DENND1A: variants seen among roughly 807,000 people sequenced by gnomAD.
DENND1A encodes the protein DENN domain-containing protein 1A.
In DENND1A, 51 loss-of-function variants were observed where a neutral mutation model predicts 113.7. The ratio of observed to expected loss-of-function variants is 0.45; its 90% CI spans 0.36 to 0.57. DENND1A has a LOEUF of 0.57. DENND1A is among the 20% of genes least tolerant of loss of function. The pLI is 0.00. For synonymous variants in DENND1A, 565 were observed against 570.8 expected, an observed-to-expected ratio of 0.99 and a Z score of 0.14; for missense variants, 1,258 against 1,395.9, an observed-to-expected ratio of 0.90 and a Z score of 1.57.
At chr9:123,728,617 G>A (rs996048782) in intron 5 of DENND1A, among the ~76,000 whole-genome samples, 1 of 150,562 alleles carries the variant, frequency 6.6e-6, no homozygotes, top group African/African-American at 2.4e-5. Flanking sequence ...AACTAGAAGA[G>A]CAAAATTTAT....
intron 11 of DENND1A, among the ~76,000 whole-genome samples, chr9:123,599,686 C>A (rs971331750): frequency 1.6e-4 from 24 of 152,150 alleles, no homozygotes; most frequent in African/African-American, 5.8e-4. Flanking sequence ...GCTCAAAAAG[C>A]CCATGGTCCA....
intron 5 of DENND1A, among the ~76,000 whole-genome samples, chr9:123,744,333 C>T (rs777750894): frequency 9.9e-5 from 15 of 152,244 alleles, no homozygotes; most frequent in Non-Finnish European, 1.9e-4. Flanking sequence ...AAATAATCAC[C>T]AAAACCAATT....
chr9:123,406,411 A>G (rs538008118), intron 20 of DENND1A, among the ~76,000 whole-genome samples: 2 of 152,340 alleles, frequency 1.3e-5, no homozygotes, highest in African/African-American at 2.4e-5. Flanking sequence ...TGTGACCTGG[A>G]TGTCCCTTCT....
intron 11 of DENND1A, among the ~76,000 whole-genome samples, chr9:123,602,044 G>A (rs150717155): frequency 2.2e-4 from 33 of 152,322 alleles, no homozygotes; most frequent in African/African-American, 7.7e-4. Context: ...CAGAGGCTCT[G>A]ATAAACCCCT....
At chr9:123,691,407 G>A (rs546050161) in intron 5 of DENND1A, among the ~76,000 whole-genome samples, 337 of 152,268 alleles carry the variant, frequency 2.2e-3, no homozygotes, top group South Asian at 0.015. Context: ...TGAGGAAGGC[G>A]AACTGGATGA....
chr9:123,749,719 A>G (rs1277119350), intron 5 of DENND1A, among the ~76,000 whole-genome samples: 1 of 152,138 alleles, frequency 6.6e-6, no homozygotes, highest in African/African-American at 2.4e-5. Flanking sequence ...AGCAGTCACT[A>G]GAGGTAGCAA....
At chr9:123,495,603 C>A (rs554341093) in intron 13 of DENND1A, among the ~76,000 whole-genome samples, 4 of 152,180 alleles carry the variant, frequency 2.6e-5, no homozygotes, top group Non-Finnish European at 4.4e-5. Flanking sequence ...GAGAACCCAC[C>A]GATCAATATG....
intron 3 of DENND1A, among the ~76,000 whole-genome samples, chr9:123,788,097 A>G (rs1832463471): frequency 6.6e-6 from 1 of 152,130 alleles, no homozygotes; most frequent in South Asian, 2.1e-4. Flanking sequence ...CTTTTAGCAC[A>G]CTCAACTCTA....
At chr9:123,799,770 C>T (rs1161182735) in intron 2 of DENND1A, among the ~76,000 whole-genome samples, 3 of 152,134 alleles carry the variant, frequency 2.0e-5, no homozygotes, top group African/African-American at 7.2e-5. Flanking sequence ...ACAAAATGAA[C>T]TCATTAAACA....
In DENND1A at chr9:123,452,261, A is replaced by T. The variant is rs1484499783; in HGVS notation, c.1299+15T>A. 6.2e-7 allele frequency: 1 copy of T among 1,613,724 alleles called. No individual in the cohort carries two copies. The highest frequency in any genetic ancestry group is 8.5e-7 in the Non-Finnish European group (1 of 1,179,578). ...CTGATCTGTTTTGGCTCCTGACAGC[A>T]AGACCAGTACTTACGAACTTGTAGA... On this transcript the variant is annotated intron_variant, in intron 17 of 23. Coordinates refer to ENST00000394215, the MANE Select transcript of DENND1A (RefSeq NM_001352964.2).
intron 10 of DENND1A, among the ~76,000 whole-genome samples, chr9:123,614,622 A>T (rs2060562376): frequency 6.6e-6 from 1 of 152,136 alleles, no homozygotes; most frequent in East Asian, 1.9e-4. Context: ...TTCCCAAGAC[A>T]AAGTGGGAGG....
chr9:123,656,950 T>A (rs1334836000), intron 8 of DENND1A, among the ~76,000 whole-genome samples: 1 of 152,218 alleles, frequency 6.6e-6, no homozygotes, highest in East Asian at 1.9e-4. Context: ...CAGTTACACA[T>A]ACATTTATGT....
chr9:123,881,693 T>G (rs983393678), intron 1 of DENND1A, among the ~76,000 whole-genome samples: 10 of 152,204 alleles, frequency 6.6e-5, no homozygotes, highest in African/African-American at 2.4e-4. Flanking sequence ...CACCAACACA[T>G]TATCCTGTAC....
At chr9:123,793,729 G>A (rs1434245778) in intron 2 of DENND1A, among the ~76,000 whole-genome samples, 1 of 152,048 alleles carries the variant, frequency 6.6e-6, no homozygotes, top group African/African-American at 2.4e-5. Context: ...AAAAAACTAA[G>A]GGCCTATTCA....
chr9:123,803,139 T>C (rs543685310), intron 2 of DENND1A, among the ~76,000 whole-genome samples: 51 of 152,328 alleles, frequency 3.3e-4, no homozygotes, highest in African/African-American at 1.2e-3. Flanking sequence ...CAAACTCCAG[T>C]CATTGTTAAA....
At chr9:123,902,980 T>C (rs1189238095) in intron 1 of DENND1A, among the ~76,000 whole-genome samples, 2 of 151,932 alleles carry the variant, frequency 1.3e-5, no homozygotes, top group Non-Finnish European at 1.5e-5. Context: ...ACCAAGTGGG[T>C]TTATCCCAGG....
At chr9:123,526,663 C>T (rs1223638813) in intron 13 of DENND1A, among the ~76,000 whole-genome samples, 1 of 152,190 alleles carries the variant, frequency 6.6e-6, no homozygotes, top group Non-Finnish European at 1.5e-5. Flanking sequence ...TCTGATTAAC[C>T]TCTCTTTGGT....
At chr9:123,482,442 A>G (rs1255486545) in intron 13 of DENND1A, among the ~76,000 whole-genome samples, 2 of 152,226 alleles carry the variant, frequency 1.3e-5, no homozygotes, top group African/African-American at 2.4e-5. Context: ...GGTCAAATCA[A>G]ATACCTCTTG....
At chr9:123,756,749 G>T (rs541714476) in intron 5 of DENND1A, among the ~76,000 whole-genome samples, 1 of 152,218 alleles carries the variant, frequency 6.6e-6, no homozygotes, top group African/African-American at 2.4e-5. Context: ...GGGAACAGAA[G>T]TCAGTGGGGG....
Sources: allele counts gnomAD v4.1 joint callset (sites outside exome capture counted in the v4.1 genomes callset), GRCh38; gene constraint gnomAD v4.1.1; transcripts MANE v1.5; gene names NCBI Gene and HGNC (gene_info 2026-07-23, HGNC 2026-07-21).